Variants in DNAH12 observed in about 807,000 individuals in gnomAD.
DNAH12 encodes dynein axonemal heavy chain 12.
Under a neutral mutation model 371.5 loss-of-function variants are expected in DNAH12, and 285 were observed. The observed-to-expected ratio is 0.77, with a 90% CI of 0.70 to 0.85. DNAH12 has a LOEUF of 0.85. Among genes scored for constraint, DNAH12 ranks in the 40% least tolerant of loss-of-function variants. DNAH12 has a pLI of 0.00. For missense variants in DNAH12, 3,611 were observed against 3,689.4 expected (o/e 0.98, Z 0.55); for synonymous variants, 1,200 against 1,213.0 (o/e 0.99, Z 0.22).
chr3:57,421,096 A>G (rs1406334239), intron 36 of DNAH12, among the ~76,000 whole-genome samples: 2 of 152,198 alleles, frequency 1.3e-5, no homozygotes, highest in East Asian at 3.9e-4. Flanking sequence ...ACTGTCAGTC[A>G]GGAGAACTTG....
intron 60 of DNAH12, among the ~76,000 whole-genome samples, chr3:57,345,510 A>G (rs2062518787): frequency 6.6e-6 from 1 of 152,220 alleles, no homozygotes; most frequent in Admixed American, 6.5e-5. Flanking sequence ...TTTTACTGCC[A>G]TACCCAATGT....
intron 62 of DNAH12, 120 bp from the exon 63 acceptor site, chr3:57,323,739 C>T (rs1017131175): frequency 9.9e-7 from 1 of 1,007,374 alleles, no homozygotes; most frequent in African/African-American, 1.7e-5. Flanking sequence ...AAGCATATAG[C>T]ATCATAGACA....
intron 13 of DNAH12, among the ~76,000 whole-genome samples, chr3:57,478,015 G>A (rs764327791): frequency 7.2e-5 from 11 of 152,114 alleles, no homozygotes; most frequent in African/African-American, 1.4e-4. Flanking sequence ...AAATCAGAGC[G>A]CCTCTCCTTC....
Position 57,404,978 on chromosome 3 carries a change from A to G in DNAH12, c.6746T>C (p.Val2249Ala). Residue 2249 changes from valine to alanine, a missense_variant, in exon 42 of 74, where the codon GTC (valine) becomes GCC (alanine). Around this residue, in one of 3 missense-constraint regions of DNAH12, gnomAD observed 2,266 missense variants for 2,236.9 expected, o/e 1.01. Transcript: ENST00000495027. ...NQTHKTRMNL[V>A]IFRYVLEHLS... Reference sequence around the variant, plus strand: ...CACCATATATAGGTACCTAAAAATGACAAGATTCATTCTTGTTTTGTGTGT... The same window carrying G: ...CACCATATATAGGTACCTAAAAATGGCAAGATTCATTCTTGTTTTGTGTGT... 3 of 1,513,524 alleles carry G rather than the reference A, an allele frequency of 2.0e-6. No individual in the cohort carries two copies. In the African/African-American group the frequency reaches 4.3e-5, roughly 21 times the overall value. The allele number at this position is 1,513,524 out of a possible 1,614,324, so 93.8% of individuals were successfully genotyped here.
intron 2 of DNAH12, among the ~76,000 whole-genome samples, chr3:57,531,743 ACAGAGCAAGACTC>A (rs2068855445): frequency 7.0e-6 from 1 of 142,942 alleles, no homozygotes; most frequent in Non-Finnish European, 1.5e-5. Flanking sequence ...AGCCTGGGCG[ACAGAGCAAGACTC>A]CACTCCATCT....
intron 2 of DNAH12, among the ~76,000 whole-genome samples, chr3:57,539,774 C>T (rs532423494): frequency 3.6e-4 from 55 of 151,814 alleles, no homozygotes; most frequent in Non-Finnish European, 6.5e-4. Flanking sequence ...CCACCATACC[C>T]GGCTAATTTT....
At chr3:57,373,407 C>A (rs2063217526) in intron 55 of DNAH12, among the ~76,000 whole-genome samples, 1 of 152,046 alleles carries the variant, frequency 6.6e-6, no homozygotes, top group African/African-American at 2.4e-5. Context: ...CCTCCACCTC[C>A]CAGGTTCAAG....
intron 22 of DNAH12, among the ~76,000 whole-genome samples, chr3:57,456,801 G>T (rs1347711598): frequency 1.3e-5 from 2 of 151,990 alleles, no homozygotes; most frequent in African/African-American, 4.8e-5. Flanking sequence ...TCTCCTCCAG[G>T]AATCACCCAG....
chr3:57,293,945 C>G lies in DNAH12; in HGVS notation c.11719G>C (p.Asp3907His), dbSNP rs1307164906. 6 of 1,416,652 alleles carry G rather than the reference C, an allele frequency of 4.2e-6. No homozygotes were observed. The African/African-American group carries it at 8.9e-5, about 21-fold the overall frequency. 87.8% of individuals were successfully genotyped at this position (1,416,652 alleles called of 1,614,324 possible). A position where few individuals can be genotyped will look rare whatever the true frequency, so the allele number is the denominator to read the frequency against. Reference protein sequence around the residue: ...PTQKSRIIKSDAYVCPLYKTS... With the variant: ...PTQKSRIIKSHAYVCPLYKTS... ...TTGTAGAGGGGACAGACATAGGCATCCGACTTTATAATCCGAGATTTTTGA... is the reference window on the plus strand; with the variant it reads ...TTGTAGAGGGGACAGACATAGGCATGCGACTTTATAATCCGAGATTTTTGA... Residue 3907 changes from aspartate (D) to histidine (H), a missense_variant, in exon 74 of 74, where the codon GAT (aspartate) becomes CAT (histidine). By Grantham distance (81) the Asp-to-His change is moderately conservative. This residue lies in a region of DNAH12 where 2,266 missense variants were observed against 2,236.9 expected (regional missense o/e 1.01). Coordinates refer to ENST00000495027, the MANE Select transcript of DNAH12 (RefSeq NM_001366028.2).
At chr3:57,322,880 A>T in intron 64 of DNAH12, 127 bp downstream of exon 64, 1 of 1,347,964 alleles carries the variant, frequency 7.4e-7, no homozygotes, top group Non-Finnish European at 9.8e-7. Flanking sequence ...CGGTGAGCCG[A>T]AATTGCGCCA....
intron 66 of DNAH12, among the ~76,000 whole-genome samples, chr3:57,313,646 C>CT (rs2061625958): frequency 6.6e-6 from 1 of 152,046 alleles, no homozygotes; most frequent in African/African-American, 2.4e-5. Flanking sequence ...GAGTGAAACT[C>CT]TGTTTCCAAA....
intron 60 of DNAH12, 28 bp downstream of exon 60, chr3:57,352,057 T>C: frequency 6.7e-7 from 1 of 1,487,530 alleles, no homozygotes. Context: ...TAAAAATAAA[T>C]AAATTATGGT....
At chr3:57,322,870 C>T (rs759432432) in intron 64 of DNAH12, 137 bp downstream of exon 64, 16 of 1,249,986 alleles carry the variant, frequency 1.3e-5, no homozygotes, top group Non-Finnish European at 1.6e-5. Flanking sequence ...GCGAAGTTTG[C>T]GGTGAGCCGA....
In DNAH12 at chr3:57,436,980, T is replaced by A. The variant is rs767979624; in HGVS notation, c.4626A>T (p.Gln1542His). The A allele has an allele frequency of 6.6e-7, 1 of 1,513,830 alleles. No individual in the cohort carries two copies. Among genetic ancestry groups the A allele is most frequent in the Non-Finnish European group, 8.8e-7 (1 of 1,134,648 alleles). 93.8% of individuals were successfully genotyped at this position (1,513,830 alleles called of 1,614,324 possible). ...PVKFFLEKIIQTYEMMIVRHG... is the reference protein window; with the variant it reads ...PVKFFLEKIIHTYEMMIVRHG... ...GTCTAACAATCATCATTTCATATGT[T>A]TGAATTATTTTTTCAAGAAAAAATT... The change falls in exon 30 of 74, where the codon CAA (glutamine) becomes CAT (histidine). Residue 1542 changes from glutamine (Q) to histidine (H), a missense_variant. By Grantham distance (24) the Gln-to-His change is conservative. Transcript: ENST00000495027.
At chr3:57,481,448 A>AGG (rs2153383364) in intron 13 of DNAH12, among the ~76,000 whole-genome samples, 1 of 152,254 alleles carries the variant, frequency 6.6e-6, no homozygotes, top group Non-Finnish European at 1.5e-5. Context: ...AGAACATTCC[A>AGG]TGCTCATGGG....
rs1214155488 is a variant in DNAH12, at chr3:57,352,072, G to T, written c.9674+13C>A. On this transcript the variant is annotated intron_variant, in intron 60 of 73. Coordinates refer to ENST00000495027, the MANE Select transcript of DNAH12 (RefSeq NM_001366028.2). ...TAAAAATAAATAAATTATGGTAAAA[G>T]CAAGTAACTTACAGAAGAAGATTGG... 5.3e-6 allele frequency: 8 copies of T among 1,498,512 alleles called. No individual in the cohort carries two copies. The highest frequency in any genetic ancestry group is 7.1e-6 in the Non-Finnish European group (8 of 1,130,982). The allele number at this position is 1,498,512 out of a possible 1,614,324, so 92.8% of individuals were successfully genotyped here. A position where few individuals can be genotyped will look rare whatever the true frequency, so the allele number is the denominator to read the frequency against.
At chr3:57,464,166 A>G (rs9856290) in intron 17 of DNAH12, among the ~76,000 whole-genome samples, 15,010 of 151,964 alleles carry the variant, frequency 0.099, 2,491 homozygotes, top group African/African-American at 0.34. Flanking sequence ...ACCCACAGGA[A>G]GCAACGCCAG....
intron 11 of DNAH12, among the ~76,000 whole-genome samples, chr3:57,497,272 C>T (rs965537590): frequency 3.9e-5 from 6 of 152,060 alleles, no homozygotes; most frequent in Non-Finnish European, 8.8e-5. Flanking sequence ...TGCAAAGCAC[C>T]TAGAACAGTC....
intron 42 of DNAH12, among the ~76,000 whole-genome samples, chr3:57,403,858 TAAC>T (rs1295222508): frequency 1.3e-5 from 2 of 152,160 alleles, no homozygotes; most frequent in South Asian, 2.1e-4. Flanking sequence ...ACCTATAAAA[TAAC>T]AAATTCAGAA....
Sources: gnomAD v4.1 joint callset for allele counts (sites outside exome capture counted in the v4.1 genomes callset) on GRCh38, gnomAD v4.1.1 for gene constraint, gnomAD v4.1.1 regional missense constraint, MANE v1.5 for transcripts, NCBI Gene and HGNC (gene_info 2026-07-23, HGNC 2026-07-21) for gene names.